The following GTF2B variants were observed in gnomAD, a reference collection of about 807,000 sequenced individuals.
GTF2B encodes the protein general transcription factor IIB.
Under a neutral mutation model 34.6 loss-of-function variants are expected in GTF2B, and 20 were observed. The observed-to-expected ratio is 0.58, with a 90% CI of 0.41 to 0.84. GTF2B has a LOEUF of 0.84. GTF2B is among the 40% of genes least tolerant of loss of function. GTF2B has a pLI of 0.00. For missense variants in GTF2B, 237 were observed against 393.3 expected (o/e 0.60, Z 3.36); for synonymous variants, 142 against 132.4 (o/e 1.07, Z -0.50).
chr1:88,879,583 T>TAA (rs11437047), intron 2 of GTF2B, among the ~76,000 whole-genome samples: 90 of 136,510 alleles, frequency 6.6e-4, no homozygotes, highest in Non-Finnish European at 8.5e-4. Context: ...GATTCCATCT[T>TAA]AAAAAAAAAA....
chr1:88,853,094 C>G lies in GTF2B; in HGVS notation c.*119G>C. ...GAATGCCAAGCAATAGTATTCAGCC[C>G]TGGAATGCGTACCATGTCTTTTGTT... On this transcript the variant is annotated 3_prime_UTR_variant, in exon 7 of 7. Transcript: ENST00000370500. 1.2e-6 allele frequency: 1 copy of G among 859,154 alleles called. No homozygotes were observed. Among genetic ancestry groups the G allele is most frequent in the South Asian group, 1.3e-5 (1 of 74,444 alleles). The allele number at this position is 859,154 out of a possible 1,614,324, so 53.2% of individuals were successfully genotyped here.
At chr1:88,888,607 C>A (rs546004670) in intron 1 of GTF2B, among the ~76,000 whole-genome samples, 64 of 152,224 alleles carry the variant, frequency 4.2e-4, no homozygotes, top group Non-Finnish European at 6.8e-4. Context: ...ATGTGCAACA[C>A]GTGCTAAGAA....
At chr1:88,864,991 C>G (rs1338946737) in intron 2 of GTF2B, among the ~76,000 whole-genome samples, 7 of 152,204 alleles carry the variant, frequency 4.6e-5, no homozygotes, top group African/African-American at 1.7e-4. Context: ...AATTGTAAAA[C>G]ATGACCTTTT....
chr1:88,885,965 G>C (rs1023777781), intron 2 of GTF2B, among the ~76,000 whole-genome samples: 2 of 151,980 alleles, frequency 1.3e-5, no homozygotes, highest in Non-Finnish European at 2.9e-5. Flanking sequence ...GCAGACAATG[G>C]AGCCAGTCTT....
In GTF2B at chr1:88,853,172, CAA is replaced by C. The variant is rs1231394902; in HGVS notation, c.*39_*40del. ...TTTTGTATAGGCTATGTACAACAGG[CAA>C]AGTTTTGTATTCAAGAATTTGACGT... On this transcript the variant is annotated 3_prime_UTR_variant, in exon 7 of 7. Coordinates refer to ENST00000370500, the MANE Select transcript of GTF2B (RefSeq NM_001514.6). The C allele has an allele frequency of 6.2e-7, 1 of 1,601,788 alleles. No homozygotes were observed. The highest frequency in any genetic ancestry group is 2.2e-5 in the East Asian group (1 of 44,800).
chr1:88,855,359 GT>G (rs750561898), intron 6 of GTF2B, among the ~76,000 whole-genome samples: 6,422 of 124,052 alleles, frequency 0.052, 242 homozygotes, highest in African/African-American at 0.17. Context: ...TTCTGTTTTT[GT>G]TTTTTTTTTT....
chr1:88,878,039 C>T (rs953493070), intron 2 of GTF2B, among the ~76,000 whole-genome samples: 10 of 152,182 alleles, frequency 6.6e-5, no homozygotes, highest in African/African-American at 1.9e-4. Context: ...GAGGCCAAGG[C>T]GGGTAGACTG....
chr1:88,870,250 G>A (rs1673660450), intron 2 of GTF2B, among the ~76,000 whole-genome samples: 1 of 152,210 alleles, frequency 6.6e-6, no homozygotes, highest in South Asian at 2.1e-4. Context: ...TAAGGTGAGA[G>A]AAACGGTCTT....
intron 2 of GTF2B, among the ~76,000 whole-genome samples, chr1:88,873,045 A>T (rs1298362921): frequency 6.6e-6 from 1 of 152,124 alleles, no homozygotes; most frequent in African/African-American, 2.4e-5. Flanking sequence ...TCCTATAATA[A>T]AGAATTGTCA....
At chr1:88,859,363 G>A (rs1340843710) in intron 5 of GTF2B, among the ~76,000 whole-genome samples, 1 of 152,198 alleles carries the variant, frequency 6.6e-6, no homozygotes, top group African/African-American at 2.4e-5. Context: ...GGACTAAAAT[G>A]AGTCTACATG....
intron 2 of GTF2B, among the ~76,000 whole-genome samples, chr1:88,868,084 A>G (rs1445798736): frequency 1.3e-5 from 2 of 152,252 alleles, no homozygotes; most frequent in Non-Finnish European, 2.9e-5. Context: ...ATTCAGAAAA[A>G]ATTAGAACAC....
At chr1:88,882,331 A>AAAAAAAAAC (rs1235561134) in intron 2 of GTF2B, among the ~76,000 whole-genome samples, 4 of 149,544 alleles carry the variant, frequency 2.7e-5, no homozygotes, top group African/African-American at 1.0e-4. Context: ...AAAAAAAAAA[A>AAAAAAAAAC]AAAAAACGCT....
chr1:88,859,028 T>C (rs1039289316), intron 5 of GTF2B, among the ~76,000 whole-genome samples: 7 of 151,926 alleles, frequency 4.6e-5, no homozygotes, highest in African/African-American at 9.7e-5. Flanking sequence ...CCACCACGCC[T>C]GGCTAATTTT....
At chr1:88,884,072 G>C (rs1232775401) in intron 2 of GTF2B, among the ~76,000 whole-genome samples, 1 of 142,240 alleles carries the variant, frequency 7.0e-6, no homozygotes, top group Non-Finnish European at 1.5e-5. Context: ...CTGTCACTTA[G>C]GCTGGAGTGC....
intron 1 of GTF2B, among the ~76,000 whole-genome samples, chr1:88,888,658 A>G (rs959411419): frequency 2.6e-5 from 4 of 152,234 alleles, no homozygotes; most frequent in East Asian, 3.8e-4. Context: ...AGAAAACTAT[A>G]GTTTGTGTAA....
intron 6 of GTF2B, among the ~76,000 whole-genome samples, chr1:88,855,004 G>A (rs1673271240): frequency 6.6e-6 from 1 of 152,218 alleles, no homozygotes; most frequent in African/African-American, 2.4e-5. Flanking sequence ...GTGCAGGGAA[G>A]AGAAAGACCT....
chr1:88,887,049 G>C (rs570028862), intron 2 of GTF2B, among the ~76,000 whole-genome samples: 8 of 152,170 alleles, frequency 5.3e-5, no homozygotes, highest in Non-Finnish European at 1.0e-4. Flanking sequence ...CTCCTGGGCA[G>C]TTGGGATTAC....
intron 2 of GTF2B, among the ~76,000 whole-genome samples, chr1:88,882,850 T>C (rs1325525664): frequency 6.6e-6 from 1 of 152,228 alleles, no homozygotes; most frequent in East Asian, 1.9e-4. Flanking sequence ...TAACATACTG[T>C]TACACTGCAG....
intron 3 of GTF2B, 26 bp downstream of exon 3, chr1:88,863,955 T>C (rs1421118012): frequency 1.2e-6 from 2 of 1,609,566 alleles, no homozygotes; most frequent in Non-Finnish European, 1.7e-6. Flanking sequence ...CTGCAATTGG[T>C]ATTTCCTGCC....
Sources: allele counts gnomAD v4.1 joint callset (sites outside exome capture counted in the v4.1 genomes callset), GRCh38; gene constraint gnomAD v4.1.1; transcripts MANE v1.5; gene names NCBI Gene and HGNC (gene_info 2026-07-23, HGNC 2026-07-21).